The following USP5 variants were observed in gnomAD, a reference collection of about 807,000 sequenced individuals.
The protein encoded by USP5 is ubiquitin specific peptidase 5.
USP5 carries 24 observed loss-of-function variants against 102.5 expected under a neutral mutation model. That is an observed-to-expected ratio of 0.23 (90% confidence interval 0.17 to 0.33). The LOEUF is 0.33. Ranked by LOEUF, USP5 falls within the 10% of genes least tolerant of loss-of-function variation. USP5 has a pLI of 1.00. For missense variants in USP5, 753 were observed against 1,122.1 expected (o/e 0.67, Z 4.70); for synonymous variants, 460 against 434.8 (o/e 1.06, Z -0.72).
At position 6,861,754 on chromosome 12, in the gene USP5, C is replaced by T; in HGVS notation, c.1673+137C>T. On this transcript the variant is annotated intron_variant, in intron 13 of 19. Coordinates refer to ENST00000229268, the MANE Select transcript of USP5 (RefSeq NM_001098536.2). The surrounding 1 kb of genome is among the most constrained non-coding windows in gnomAD (Gnocchi z 4.9). Reference sequence around the variant, plus strand: ...TGAATCAGTTGGGCTGGTAATCTGGCCCTGATGGAACCAAGGGGCCCTGGT... The same window carrying T: ...TGAATCAGTTGGGCTGGTAATCTGGTCCTGATGGAACCAAGGGGCCCTGGT... The T allele has an allele frequency of 2.9e-6, 3 of 1,041,414 alleles. 1 individual carries two copies. The East Asian group carries it at 9.1e-5, about 31-fold the overall frequency. 64.5% of individuals were successfully genotyped at this position (1,041,414 alleles called of 1,614,324 possible).
chr12:6,854,503 C>G (rs908355795), intron 1 of USP5, among the ~76,000 whole-genome samples: 1 of 151,924 alleles, frequency 6.6e-6, no homozygotes, highest in Non-Finnish European at 1.5e-5. Context: ...CGCTGTAATC[C>G]CAGCACTTTG....
In USP5 at chr12:6,866,201, G is replaced by A; in HGVS notation, c.*124G>A. On this transcript the variant is annotated 3_prime_UTR_variant, in exon 20 of 20. Transcript: ENST00000229268. The surrounding 1 kb of genome is among the most constrained non-coding windows in gnomAD (Gnocchi z 4.7). The stretch of plus-strand genomic sequence containing the variant: ...TTTTTCCTTTTGTCCCCGGCAGCAG[G>A]GAAGAAGCTGGAGGCCGTGGGAGAA... The A allele has an allele frequency of 2.3e-6, 2 of 859,970 alleles. No homozygotes were observed. Among genetic ancestry groups the A allele is most frequent in the South Asian group, 3.2e-5 (2 of 63,286 alleles). The allele number at this position is 859,970 out of a possible 1,614,324, so 53.3% of individuals were successfully genotyped here.
Position 6,862,482 on chromosome 12 carries a change from T to C in USP5, c.1686T>C (p.Phe562=), listed in dbSNP as rs1944309316. 1 of 1,614,012 alleles carries C rather than the reference T, an allele frequency of 6.2e-7. No individual in the cohort carries two copies. The highest frequency in any genetic ancestry group is 1.3e-5 in the African/African-American group (1 of 74,936). The stretch of plus-strand genomic sequence containing the variant: ...CTCTCTTCCCTAGGACCACACGATT[T>C]GCCTCATTCCCTGACTACCTGGTCA... ...AKSVAVKTTR[F]ASFPDYLVIQ... Residue 562 remains phenylalanine, a synonymous_variant, in exon 14 of 20, where the codon TTT becomes TTC. Coordinates refer to ENST00000229268, the MANE Select transcript of USP5 (RefSeq NM_001098536.2).
chr12:6,855,310 C>T lies in USP5; in HGVS notation c.112-91C>T. 1 of 1,537,646 alleles carries T rather than the reference C, an allele frequency of 6.5e-7. No homozygotes were observed. Among genetic ancestry groups the T allele is most frequent in the Non-Finnish European group, 8.8e-7 (1 of 1,132,024 alleles). ...AGAGAACAGAACATTTCTTCTGGAA[C>T]CCAGCAGTTTCTGACTCCAGGTTTT... On this transcript the variant is annotated intron_variant, in intron 1 of 19. Transcript: ENST00000229268. The surrounding 1 kb of genome is among the most constrained non-coding windows in gnomAD (Gnocchi z 4.6).
chr12:6,859,349 C>T, intron 8 of USP5, 121 bp from the exon 9 acceptor site: 1 of 950,210 alleles, frequency 1.1e-6, no homozygotes. Flanking sequence ...CAAGGTTCAC[C>T]CACAGCAACT....
At chr12:6,853,039 T>C (rs782423555) in intron 1 of USP5, among the ~76,000 whole-genome samples, 1 of 152,116 alleles carries the variant, frequency 6.6e-6, no homozygotes, top group East Asian at 1.9e-4. Context: ...CTTGGCTAGT[T>C]ACACAAAGCC....
In USP5 at chr12:6,861,726, G is replaced by T; in HGVS notation, c.1673+109G>T. ...CATCCCTTTGTGGTTGGAACCTCAG[G>T]GTTGAATCAGTTGGGCTGGTAATCT... On this transcript the variant is annotated intron_variant, in intron 13 of 19. Coordinates refer to ENST00000229268, the MANE Select transcript of USP5 (RefSeq NM_001098536.2). The surrounding 1 kb of genome is among the most constrained non-coding windows in gnomAD (Gnocchi z 4.9). 1 of 1,255,058 alleles carries T rather than the reference G, an allele frequency of 8.0e-7. No individual in the cohort carries two copies. The highest frequency in any genetic ancestry group is 1.0e-6 in the Non-Finnish European group (1 of 969,012). The allele number at this position is 1,255,058 out of a possible 1,614,324, so 77.7% of individuals were successfully genotyped here.
Position 6,864,914 on chromosome 12 carries a change from C to G in USP5, c.2398+39C>G, listed in dbSNP as rs782696408. The G allele has an allele frequency of 1.2e-6, 2 of 1,600,144 alleles. No homozygotes were observed. Among genetic ancestry groups the G allele is most frequent in the African/African-American group, 1.3e-5 (1 of 74,904 alleles). Reference sequence around the variant, plus strand: ...GGAAGCAGGACAGGCCTGGTGGAATCTGGTCAGTCTACTACACCAGATCCC... The same window carrying G: ...GGAAGCAGGACAGGCCTGGTGGAATGTGGTCAGTCTACTACACCAGATCCC... On this transcript the variant is annotated intron_variant, in intron 18 of 19. Transcript: ENST00000229268. The surrounding 1 kb of genome is among the most constrained non-coding windows in gnomAD (Gnocchi z 4.8).
chr12:6,863,476 C>G lies in USP5; in HGVS notation c.1954+99C>G. ...TGTCCTTTGTGTTTCTCCTGTCCTCCCTTTCAAATTTCCTCTGCCCTCTTT... is the reference window on the plus strand; with the variant it reads ...TGTCCTTTGTGTTTCTCCTGTCCTCGCTTTCAAATTTCCTCTGCCCTCTTT... On this transcript the variant is annotated intron_variant, in intron 15 of 19. Transcript: ENST00000229268. The surrounding 1 kb of genome is among the most constrained non-coding windows in gnomAD (Gnocchi z 4.7). 7.1e-7 allele frequency: 1 copy of G among 1,409,228 alleles called. No homozygotes were observed. Among genetic ancestry groups the G allele is most frequent in the Non-Finnish European group, 9.7e-7 (1 of 1,029,562 alleles). 87.3% of individuals were successfully genotyped at this position (1,409,228 alleles called of 1,614,324 possible).
At position 6,861,615 on chromosome 12, in the gene USP5, C is replaced by G; in HGVS notation, c.1671C>G (p.Val557=). The change falls in exon 13 of 20, where the codon GTC becomes GTG. Residue 557 remains valine, a splice_region_variant and synonymous_variant. Coordinates refer to ENST00000229268, the MANE Select transcript of USP5 (RefSeq NM_001098536.2). The surrounding 1 kb of genome is among the most constrained non-coding windows in gnomAD (Gnocchi z 4.9). ...CCCTGCAGGCCAAGTCAGTAGCTGT[C>G]AAGTAAGTCCTCTGGTCGGGGCCTG... ...STALQAKSVA[V]KTTRFASFPD... 1 of 1,553,032 alleles carries G rather than the reference C, an allele frequency of 6.4e-7. No individual in the cohort carries two copies. Among genetic ancestry groups the G allele is most frequent in the Non-Finnish European group, 8.7e-7 (1 of 1,145,188 alleles).
At position 6,858,614 on chromosome 12, in the gene USP5, G is replaced by C; in HGVS notation, c.1055G>C (p.Arg352Thr). The C allele has an allele frequency of 1.2e-6, 2 of 1,602,094 alleles. No homozygotes were observed. The highest frequency in any genetic ancestry group is 2.2e-5 in the South Asian group (2 of 90,830). Residue 352 changes from arginine (R) to threonine (T), a missense_variant, in exon 8 of 20, where the codon AGG (arginine) becomes ACG (threonine). By Grantham distance (71) the Arg-to-Thr change is moderately conservative. Transcript: ENST00000229268. This position sits in a 1 kb window ranked among gnomAD's most constrained non-coding sequence, Gnocchi z 4.2. ...CTCTTCAGCATCCCTGACTTCCAGA[G>C]GAAGTGAGTAGTGCCCTCTCCTTCC... ...QVLFSIPDFQ[R>T]KYVDKLEKIF...
chr12:6,864,464 C>T lies in USP5; in HGVS notation c.2245-258C>T, dbSNP rs556207552. ...CAGCACTTTGGGAGGGTGAGGTGGG[C>T]GGATCACGCGGTCAGCAGATCAAGA... On this transcript the variant is annotated intron_variant, in intron 17 of 19. Coordinates refer to ENST00000229268, the MANE Select transcript of USP5 (RefSeq NM_001098536.2). This position sits in a 1 kb window ranked among gnomAD's most constrained non-coding sequence, Gnocchi z 4.8. Among the ~76,000 whole-genome samples the T allele has an allele frequency of 6.1e-4, 93 of 152,234 alleles. 1 individual carries two copies. The South Asian group carries it at 8.5e-3, about 14-fold the overall frequency.
chr12:6,859,409 C>T, intron 8 of USP5, 61 bp from the exon 9 acceptor site: 1 of 1,548,638 alleles, frequency 6.5e-7, no homozygotes, highest in Non-Finnish European at 8.9e-7. Flanking sequence ...TGTTTGCTTC[C>T]TTCCCTTTTC....
Position 6,864,098 on chromosome 12 carries a change from C to T in USP5, c.2147C>T (p.Thr716Ile), listed in dbSNP as rs955122938. 4.3e-6 allele frequency: 7 copies of T among 1,613,832 alleles called. No homozygotes were observed. The Admixed American group carries it at 1.0e-4, about 23-fold the overall frequency. Reference sequence around the variant, plus strand: ...CCTGGCTCTAGTGGGCCGGGCTCCACAAGCGCAGCAGCCGACCCCCCTCCT... The same window carrying T: ...CCTGGCTCTAGTGGGCCGGGCTCCATAAGCGCAGCAGCCGACCCCCCTCCT... ...ILPGSSGPGSTSAAADPPPED... is the reference protein window; with the variant it reads ...ILPGSSGPGSISAAADPPPED... Residue 716 changes from threonine (T) to isoleucine (I), a missense_variant, in exon 17 of 20, where the codon ACA becomes ATA. Physicochemically the swap from Thr to Ile is moderately conservative, Grantham distance 89 (BLOSUM62 -1). Coordinates refer to ENST00000229268, the MANE Select transcript of USP5 (RefSeq NM_001098536.2). The surrounding 1 kb of genome is among the most constrained non-coding windows in gnomAD (Gnocchi z 4.8).
rs553341287 is a variant in USP5 at position 6,858,736 on chromosome 12, C to T, written c.1058+119C>T. 1.1e-5 allele frequency: 11 copies of T among 968,500 alleles called. No individual in the cohort carries two copies. The highest frequency in any genetic ancestry group is 1.6e-5 in the Non-Finnish European group (11 of 669,438). The allele number at this position is 968,500 out of a possible 1,614,324, so 60.0% of individuals were successfully genotyped here. A position where few individuals can be genotyped will look rare whatever the true frequency, so the allele number is the denominator to read the frequency against. On this transcript the variant is annotated intron_variant, in intron 8 of 19. Coordinates refer to ENST00000229268, the MANE Select transcript of USP5 (RefSeq NM_001098536.2). This position sits in a 1 kb window ranked among gnomAD's most constrained non-coding sequence, Gnocchi z 4.2. ...ATTCTAGTCTTAGAGTAGTTCCTAT[C>T]GGCTGGGTGTGTTGGCCCACACCCG... is the stretch of plus-strand genomic sequence containing the variant.
chr12:6,865,041 C>T, intron 18 of USP5, 123 bp from the exon 19 acceptor site: 1 of 1,281,154 alleles, frequency 7.8e-7, no homozygotes, highest in Non-Finnish European at 1.1e-6. Flanking sequence ...GGCTCTGGCC[C>T]AGTACCTGCC....
chr12:6,865,388 G>A (rs1944412789), intron 19 of USP5, 140 bp downstream of exon 19: 1 of 747,606 alleles, frequency 1.3e-6, no homozygotes, highest in South Asian at 1.8e-5. Context: ...GTGACAGAAG[G>A]TCTTGCAGCA....
intron 1 of USP5, among the ~76,000 whole-genome samples, chr12:6,853,454 C>G (rs1555127485): frequency 6.6e-6 from 1 of 152,244 alleles, no homozygotes; most frequent in African/African-American, 2.4e-5. Context: ...GAGCACTGCG[C>G]GGAGCAGAGC....
intron 6 of USP5, among the ~76,000 whole-genome samples, chr12:6,857,123 A>T (rs1380193100): frequency 6.6e-6 from 1 of 151,890 alleles, no homozygotes; most frequent in Non-Finnish European, 1.5e-5. Flanking sequence ...TCATCTCTCC[A>T]AAAAAGAAAA....
Sources: gnomAD v4.1 joint callset for allele counts (sites outside exome capture counted in the v4.1 genomes callset) on GRCh38, gnomAD v4.1.1 for gene constraint, Gnocchi (gnomAD v3.1) non-coding constraint, MANE v1.5 for transcripts, NCBI Gene and HGNC (gene_info 2026-07-23, HGNC 2026-07-21) for gene names.